SPATS2: variants seen among roughly 807,000 people sequenced by gnomAD.
SPATS2 encodes the protein spermatogenesis associated serine rich 2.
A neutral mutation model predicts 63.7 loss-of-function variants in SPATS2; 38 were observed. That is an observed-to-expected ratio of 0.60 (90% confidence interval 0.46 to 0.78). The LOEUF (loss-of-function observed/expected upper bound fraction) is 0.78, where lower values mean the gene tolerates loss of function less well. SPATS2 is among the 30% of genes least tolerant of loss of function. SPATS2 has a pLI of 0.00. For synonymous variants in SPATS2, 207 were observed against 232.9 expected (o/e 0.89, Z 1.01); for missense variants, 588 against 666.2 (o/e 0.88, Z 1.29).
intron 4 of SPATS2, among the ~76,000 whole-genome samples, chr12:49,488,487 C>T (rs1946332474): frequency 6.6e-6 from 1 of 151,888 alleles, no homozygotes; most frequent in Non-Finnish European, 1.5e-5. Flanking sequence ...AGCAAAACCC[C>T]ATCTCTACTA....
chr12:49,497,222 T>TA (rs1946478046), intron 8 of SPATS2, among the ~76,000 whole-genome samples: 1 of 152,154 alleles, frequency 6.6e-6, no homozygotes, highest in East Asian at 1.9e-4. Flanking sequence ...ACAATCTACT[T>TA]ACGACGGCAC....
At chr12:49,377,580 C>T (rs1287520095) in intron 2 of SPATS2, among the ~76,000 whole-genome samples, 1 of 152,064 alleles carries the variant, frequency 6.6e-6, no homozygotes, top group Non-Finnish European at 1.5e-5. Flanking sequence ...GAAATAGCCC[C>T]AAGTATATTA....
chr12:49,489,171 T>C (rs1355072019), intron 4 of SPATS2, among the ~76,000 whole-genome samples: 2 of 152,236 alleles, frequency 1.3e-5, no homozygotes, highest in African/African-American at 4.8e-5. Context: ...TGATGCCACA[T>C]TAATACCTGA....
At chr12:49,465,376 T>A (rs1425296131) in intron 3 of SPATS2, among the ~76,000 whole-genome samples, 2 of 151,460 alleles carry the variant, frequency 1.3e-5, no homozygotes, top group Non-Finnish European at 2.9e-5. Flanking sequence ...CTTTTTTTTT[T>A]ATTATTATAG....
intron 2 of SPATS2, among the ~76,000 whole-genome samples, chr12:49,449,047 A>G (rs746613080): frequency 2.2e-4 from 34 of 152,368 alleles, no homozygotes; most frequent in Non-Finnish European, 4.4e-4. Flanking sequence ...TTTATTTACA[A>G]AAACAGGCAG....
At chr12:49,476,041 C>A (rs1946111804) in intron 3 of SPATS2, among the ~76,000 whole-genome samples, 1 of 152,094 alleles carries the variant, frequency 6.6e-6, no homozygotes, top group Admixed American at 6.6e-5. Context: ...GGCCTAAGAC[C>A]TAGGTGAGGA....
In SPATS2 at chr12:49,460,955, C is replaced by G. The variant is rs572407374; in HGVS notation, c.-58C>G. 6.2e-7 allele frequency: 1 copy of G among 1,604,674 alleles called. No homozygotes were observed. Among genetic ancestry groups the G allele is most frequent in the South Asian group, 1.1e-5 (1 of 90,102 alleles). On this transcript the variant is annotated 5_prime_UTR_variant, in exon 3 of 14. Transcript: ENST00000552918. ...AAATCAGAGATACCTACACTCAAAA[C>G]CCAGACAAGGCAAAAGGATACTTTT...
chr12:49,428,991 C>T (rs1268328956), intron 2 of SPATS2, among the ~76,000 whole-genome samples: 1 of 152,224 alleles, frequency 6.6e-6, no homozygotes, highest in African/African-American at 2.4e-5. Flanking sequence ...GCCACCTGTG[C>T]GAGGAGGAGG....
intron 2 of SPATS2, chr12:49,454,150 A>T (rs1275554207): frequency 6.6e-6 from 1 of 152,272 alleles, no homozygotes; most frequent in Non-Finnish European, 1.5e-5. Context: ...GGCACGAGCC[A>T]CTGCACCTGG....
At position 49,494,881 on chromosome 12, in the gene SPATS2, T is replaced by C; in HGVS notation, c.405T>C (p.Asn135=). Residue 135 remains asparagine, a synonymous_variant, in exon 7 of 14, where the codon AAT becomes AAC. Coordinates refer to ENST00000552918, the MANE Select transcript of SPATS2 (RefSeq NM_023071.4). The part of the protein sequence containing the change: ...EKGGMNGYHV[N]GAINDTESVD... ...GTGGTATGAATGGCTACCATGTCAA[T>C]GGTGCCATCAATGACACTGAGTCTG... is the stretch of plus-strand genomic sequence containing the variant. 6.2e-7 allele frequency: 1 copy of C among 1,614,056 alleles called. No individual in the cohort carries two copies. The highest frequency in any genetic ancestry group is 1.3e-5 in the African/African-American group (1 of 74,996).
chr12:49,460,889 T>C lies in SPATS2; in HGVS notation c.-124T>C. ...CAGAATTTCGAACAGCAGGATTTCGTATTTTTTGCTTCCAACTGCACACTT... is the reference window on the plus strand; with the variant it reads ...CAGAATTTCGAACAGCAGGATTTCGCATTTTTTGCTTCCAACTGCACACTT... On this transcript the variant is annotated 5_prime_UTR_variant, in exon 3 of 14. Transcript: ENST00000552918. 1.0e-6 allele frequency: 1 copy of C among 993,752 alleles called. No individual in the cohort carries two copies. 61.6% of individuals were successfully genotyped at this position (993,752 alleles called of 1,614,324 possible).
chr12:49,440,862 C>T (rs768477447), intron 2 of SPATS2, among the ~76,000 whole-genome samples: 29 of 152,192 alleles, frequency 1.9e-4, no homozygotes, highest in Non-Finnish European at 2.4e-4. Context: ...GCAGTTTTGG[C>T]AGGAATACTA....
chr12:49,525,761 G>A (rs1048700555), intron 13 of SPATS2, among the ~76,000 whole-genome samples, 183 bp from the exon 14 acceptor site: 2 of 152,236 alleles, frequency 1.3e-5, no homozygotes, highest in African/African-American at 4.8e-5. Flanking sequence ...AGCAGGGAAA[G>A]ATGGATTAGT....
intron 2 of SPATS2, among the ~76,000 whole-genome samples, chr12:49,440,097 C>T (rs1331804930): frequency 3.9e-5 from 6 of 152,148 alleles, no homozygotes; most frequent in Admixed American, 2.6e-4. Flanking sequence ...CATCTTGTCA[C>T]GTTTGCTTTA....
At chr12:49,485,067 CT>C (rs1172351346) in intron 4 of SPATS2, among the ~76,000 whole-genome samples, 291 of 138,076 alleles carry the variant, frequency 2.1e-3, no homozygotes, top group Admixed American at 2.3e-3. Context: ...AGAAATAGGT[CT>C]TTTTTTTTTT....
At chr12:49,376,092 A>ATTT (rs749954777) in intron 2 of SPATS2, among the ~76,000 whole-genome samples, 7 of 81,080 alleles carry the variant, frequency 8.6e-5, no homozygotes, top group South Asian at 8.7e-4. Context: ...ACCTGGCCTG[A>ATTT]TTTTTTTTTT....
chr12:49,498,145 A>AAAAAAATATATATATATATATATAT (rs66900382), intron 8 of SPATS2, among the ~76,000 whole-genome samples: 2 of 98,980 alleles, frequency 2.0e-5, no homozygotes, highest in African/African-American at 9.8e-5. Context: ...AAAAAAAAAA[A>AAAAAAATATATATATATATATATAT]ATATATATAT....
chr12:49,462,513 G>A, intron 3 of SPATS2: 1 of 693,926 alleles, frequency 1.4e-6, no homozygotes, highest in Non-Finnish European at 2.6e-6. Flanking sequence ...TGTGTGGGGT[G>A]GCTGCCCTCT....
intron 2 of SPATS2, among the ~76,000 whole-genome samples, chr12:49,372,709 C>G (rs1450390014): frequency 1.3e-5 from 2 of 151,802 alleles, no homozygotes; most frequent in African/African-American, 4.8e-5. Flanking sequence ...CTGTATCTTC[C>G]TGCATTCATT....
Sources: gnomAD v4.1 joint callset for allele counts (sites outside exome capture counted in the v4.1 genomes callset) on GRCh38, gnomAD v4.1.1 for gene constraint, MANE v1.5 for transcripts, NCBI Gene and HGNC (gene_info 2026-07-23, HGNC 2026-07-21) for gene names.